The following KDM3A variants were observed in gnomAD, a reference collection of about 807,000 sequenced individuals.
KDM3A encodes the protein lysine demethylase 3A.
Under a neutral mutation model 158.0 loss-of-function variants are expected in KDM3A, and 60 were observed. The ratio of observed to expected loss-of-function variants is 0.38; its 90% CI spans 0.31 to 0.47. The LOEUF (loss-of-function observed/expected upper bound fraction) is 0.47, where lower values mean the gene tolerates loss of function less well. KDM3A is among the 20% of genes least tolerant of loss of function. The pLI is 0.99. For synonymous variants in KDM3A, 608 were observed against 549.3 expected, an observed-to-expected ratio of 1.11 and a Z score of -1.49; for missense variants, 1,319 against 1,574.3, an observed-to-expected ratio of 0.84 and a Z score of 2.74.
chr2:86,466,154 G>A (rs1206118982), intron 9 of KDM3A, among the ~76,000 whole-genome samples: 1 of 150,714 alleles, frequency 6.6e-6, no homozygotes, highest in East Asian at 1.9e-4. Flanking sequence ...CATAATTTAG[G>A]GTTGTATTTT....
chr2:86,452,894 T>A (rs1044680425), intron 4 of KDM3A, among the ~76,000 whole-genome samples: 1 of 152,224 alleles, frequency 6.6e-6, no homozygotes, highest in African/African-American at 2.4e-5. Context: ...TTTCACTTAG[T>A]TAATTTCAGA....
chr2:86,467,031 A>T (rs1051187163), intron 10 of KDM3A, 148 bp downstream of exon 10: 11 of 667,716 alleles, frequency 1.6e-5, no homozygotes, highest in Non-Finnish European at 2.7e-5. Context: ...ATAATTCCCA[A>T]ATCTCAGAAA....
Position 86,474,855 on chromosome 2 carries a change from T to C in KDM3A, c.1804T>C (p.Leu602=), listed in dbSNP as rs773039329. The stretch of plus-strand genomic sequence containing the variant: ...CAAGTATGACAATGAAGCAATTGGC[T>C]TGTGGTTACCTTTAACCAAAAACGT... ...PNKYDNEAIG[L]WLPLTKNVVG... The change falls in exon 12 of 26, where the codon TTG becomes CTG. Residue 602 remains leucine (L), a synonymous_variant. Transcript: ENST00000312912. The C allele has an allele frequency of 1.9e-6, 3 of 1,613,988 alleles. No homozygotes were observed. The highest frequency in any genetic ancestry group is 2.2e-5 in the South Asian group (2 of 91,078).
chr2:86,472,992 T>A (rs1201227338), intron 11 of KDM3A, among the ~76,000 whole-genome samples: 5 of 152,202 alleles, frequency 3.3e-5, no homozygotes, highest in Non-Finnish European at 7.3e-5. Context: ...GTCCTTGTCG[T>A]ATTGGCCCAC....
At chr2:86,489,170 AAAG>A in intron 21 of KDM3A, 145 bp from the exon 22 acceptor site, 1 of 891,840 alleles carries the variant, frequency 1.1e-6, no homozygotes, top group Admixed American at 2.8e-5. Flanking sequence ...TCGATTGGTT[AAAG>A]AATTTTTTTG....
intron 15 of KDM3A, 21 bp from the exon 16 acceptor site, chr2:86,480,146 G>A (rs768917894): frequency 6.9e-6 from 11 of 1,583,028 alleles, no homozygotes; most frequent in African/African-American, 1.3e-5. Flanking sequence ...ATGTAAAATC[G>A]TCCTTTAATG....
intron 20 of KDM3A, 115 bp from the exon 21 acceptor site, chr2:86,485,614 C>T: frequency 2.4e-6 from 3 of 1,231,136 alleles, no homozygotes; most frequent in Non-Finnish European, 3.5e-6. Context: ...GGCTGTCAGT[C>T]TGCATGATCA....
intron 9 of KDM3A, among the ~76,000 whole-genome samples, chr2:86,465,238 G>A (rs1275923789): frequency 2.0e-5 from 3 of 152,170 alleles, no homozygotes; most frequent in East Asian, 3.8e-4. Flanking sequence ...ATACCAAATC[G>A]TTCTGTGAAT....
At position 86,477,265 on chromosome 2, in the gene KDM3A, C is replaced by T. The variant is rs79541801; in HGVS notation, c.1940-612C>T. Among the ~76,000 whole-genome samples, 253 of 152,286 alleles carry T rather than the reference C, an allele frequency of 1.7e-3. 2 individuals carry two copies. The highest frequency in any genetic ancestry group is 5.6e-3 in the African/African-American group (233 of 41,558). On this transcript the variant is annotated intron_variant, in intron 12 of 25. Transcript: ENST00000312912. ...GCATCATTCCTGGCACTGGCTAAAT[C>T]GAATTTCTGACTGACTGGTGAAGAA... is the stretch of plus-strand genomic sequence containing the variant.
intron 16 of KDM3A, 135 bp downstream of exon 16, chr2:86,480,497 G>C: frequency 1.4e-6 from 1 of 729,846 alleles, no homozygotes; most frequent in East Asian, 2.9e-5. Context: ...TGCCACAAAT[G>C]AAAGTGTTTT....
intron 21 of KDM3A, 47 bp from the exon 22 acceptor site, chr2:86,489,271 C>CA (rs779887907): frequency 6.3e-7 from 1 of 1,591,634 alleles, no homozygotes; most frequent in Non-Finnish European, 8.6e-7. Context: ...AAGACTGTGG[C>CA]AGCCTTTGTT....
chr2:86,465,084 C>A (rs1673077960), intron 9 of KDM3A, among the ~76,000 whole-genome samples: 1 of 152,158 alleles, frequency 6.6e-6, no homozygotes, highest in East Asian at 1.9e-4. Context: ...AAAAATTCTT[C>A]TCCAGGGTGA....
chr2:86,469,329 C>T (rs111525345), intron 10 of KDM3A, among the ~76,000 whole-genome samples: 14 of 152,266 alleles, frequency 9.2e-5, no homozygotes, highest in South Asian at 6.2e-4. Context: ...TTTTGACTTT[C>T]GTTTGTTTGC....
In KDM3A at chr2:86,466,376, C is replaced by T. The variant is rs750232981; in HGVS notation, c.1012C>T (p.His338Tyr). ...NLGAKIPQGC[H>Y]KQSLPEEISS... Reference sequence around the variant, plus strand: ...TTTCTATATTATATTTTTCAGATGTCATAAACAAAGTTTACCAGAGGAAAT... The same window carrying T: ...TTTCTATATTATATTTTTCAGATGTTATAAACAAAGTTTACCAGAGGAAAT... The change falls in exon 10 of 26, where the codon CAT (histidine) becomes TAT (tyrosine). Residue 338 changes from histidine (H) to tyrosine (Y), a missense_variant. By Grantham distance (83) the His-to-Tyr change is moderately conservative. Around this residue, in one of 4 missense-constraint regions of KDM3A, gnomAD observed 652 missense variants for 627.2 expected, o/e 1.04. Coordinates refer to ENST00000312912, the MANE Select transcript of KDM3A (RefSeq NM_018433.6). 3.2e-5 allele frequency: 52 copies of T among 1,606,386 alleles called. No homozygotes were observed. Among genetic ancestry groups the T allele is most frequent in the Non-Finnish European group, 4.3e-5 (51 of 1,176,632 alleles).
At chr2:86,475,125 T>C (rs1673604513) in intron 12 of KDM3A, 135 bp downstream of exon 12, 2 of 717,172 alleles carry the variant, frequency 2.8e-6, no homozygotes, top group African/African-American at 1.8e-5. Flanking sequence ...AGGTTGCATT[T>C]TTCCTTTTGC....
intron 2 of KDM3A, chr2:86,443,323 C>G (rs537715509): frequency 1.3e-5 from 2 of 152,180 alleles, no homozygotes; most frequent in African/African-American, 4.8e-5. Context: ...AAACACTGTT[C>G]ATTTGAACAC....
intron 10 of KDM3A, among the ~76,000 whole-genome samples, chr2:86,469,699 C>CAT (rs1673316947): frequency 2.0e-5 from 3 of 152,130 alleles, no homozygotes; most frequent in African/African-American, 7.2e-5. Flanking sequence ...TCCATAGACC[C>CAT]AGGGGCTACG....
At chr2:86,485,062 G>C (rs1674115747) in intron 20 of KDM3A, 33 bp downstream of exon 20, 1 of 1,162,688 alleles carries the variant, frequency 8.6e-7, no homozygotes, top group Non-Finnish European at 1.3e-6. Context: ...AGATGATTCT[G>C]TCCTTCACTT....
chr2:86,491,966 G>A (rs1364117632), intron 25 of KDM3A, 73 bp from the exon 26 acceptor site: 4 of 931,382 alleles, frequency 4.3e-6, no homozygotes, highest in Non-Finnish European at 6.7e-6. Flanking sequence ...AAATTAGTAG[G>A]AGGAAGCTTA....
Sources: allele counts gnomAD v4.1 joint callset (sites outside exome capture counted in the v4.1 genomes callset), GRCh38; gene constraint gnomAD v4.1.1; regional missense constraint gnomAD v4.1.1; transcripts MANE v1.5; gene names NCBI Gene and HGNC (gene_info 2026-07-23, HGNC 2026-07-21).